DARS1: variants seen among roughly 807,000 people sequenced by gnomAD.
The protein encoded by DARS1 is aspartyl-tRNA synthetase 1.
A neutral mutation model predicts 68.8 loss-of-function variants in DARS1; 51 were observed. The observed-to-expected ratio is 0.74, with a 90% CI of 0.59 to 0.94. DARS1 has a LOEUF of 0.94. Among genes scored for constraint, DARS1 ranks in the 40% least tolerant of loss-of-function variants. The pLI, the probability that DARS1 is intolerant of heterozygous loss-of-function variation, is 0.00. For synonymous variants in DARS1, 203 were observed against 190.4 expected, an observed-to-expected ratio of 1.07 and a Z score of -0.55; for missense variants, 607 against 597.3, an observed-to-expected ratio of 1.02 and a Z score of -0.17.
At position 135,922,767 on chromosome 2, in the gene DARS1, A is replaced by T; in HGVS notation, c.811+17T>A. ...TAATTAATTAACTTGGATAAAACATAACTGCCAAAATCTTACCTGGTCCAA... is the reference window on the plus strand; with the variant it reads ...TAATTAATTAACTTGGATAAAACATTACTGCCAAAATCTTACCTGGTCCAA... On this transcript the variant is annotated intron_variant, in intron 9 of 15. Coordinates refer to ENST00000264161, the MANE Select transcript of DARS1 (RefSeq NM_001349.4). 6.6e-7 allele frequency: 1 copy of T among 1,526,118 alleles called. No individual in the cohort carries two copies. The highest frequency in any genetic ancestry group is 8.7e-7 in the Non-Finnish European group (1 of 1,144,594). The allele number at this position is 1,526,118 out of a possible 1,614,324, so 94.5% of individuals were successfully genotyped here.
At chr2:135,940,913 G>A in intron 5 of DARS1, among the ~76,000 whole-genome samples, 1 of 152,116 alleles carries the variant, frequency 6.6e-6, no homozygotes, top group Admixed American at 6.5e-5. Flanking sequence ...ATTCACAATT[G>A]CTTCAAAGAG....
At chr2:135,919,579 C>G (rs1681073078) in intron 10 of DARS1, among the ~76,000 whole-genome samples, 2 of 152,134 alleles carry the variant, frequency 1.3e-5, no homozygotes, top group African/African-American at 4.8e-5. Context: ...AAAATAGAGA[C>G]TTTCTTAATC....
At chr2:135,932,924 T>C in intron 6 of DARS1, 82 bp from the exon 7 acceptor site, 2 of 721,102 alleles carry the variant, frequency 2.8e-6, no homozygotes, top group South Asian at 1.7e-5. Flanking sequence ...AGAAGCCATG[T>C]TTACTTTTAA....
intron 8 of DARS1, among the ~76,000 whole-genome samples, chr2:135,924,012 T>A (rs767246494): frequency 6.6e-6 from 1 of 152,078 alleles, no homozygotes; most frequent in Non-Finnish European, 1.5e-5. Flanking sequence ...ATTAAGGAAA[T>A]TTTCCCATCA....
chr2:135,959,465 G>A (rs1575401854), intron 4 of DARS1, among the ~76,000 whole-genome samples: 1 of 108,612 alleles, frequency 9.2e-6, no homozygotes, highest in East Asian at 2.7e-4. Context: ...TTGGATGAAA[G>A]CCTTTAATAA....
intron 4 of DARS1, among the ~76,000 whole-genome samples, chr2:135,959,748 T>G (rs1057440285): frequency 6.6e-6 from 1 of 152,188 alleles, no homozygotes; most frequent in African/African-American, 2.4e-5. Flanking sequence ...TCACTGAATA[T>G]TATGGGTAAC....
chr2:135,940,562 G>A (rs1393080381), intron 5 of DARS1, among the ~76,000 whole-genome samples: 1 of 152,086 alleles, frequency 6.6e-6, no homozygotes, highest in African/African-American at 2.4e-5. Context: ...CATACTGAAT[G>A]GTCAAAAACT....
At chr2:135,958,775 C>T (rs1168608733) in intron 4 of DARS1, among the ~76,000 whole-genome samples, 1 of 152,186 alleles carries the variant, frequency 6.6e-6, no homozygotes, top group Non-Finnish European at 1.5e-5. Context: ...GATTCCTTAA[C>T]ATGCTAGTGC....
chr2:135,985,552 A>T lies in DARS1; in HGVS notation c.-84T>A. On this transcript the variant is annotated 5_prime_UTR_variant, in exon 1 of 16. Transcript: ENST00000264161. ...CCAAAGGGGCTTCTCCCTCCCTCCC[A>T]GTCTCCGCCCTCCCGACCCTGGGGT... 1 of 1,603,944 alleles carries T rather than the reference A, an allele frequency of 6.2e-7. No homozygotes were observed.
At chr2:135,945,272 C>T (rs143228287) in intron 4 of DARS1, among the ~76,000 whole-genome samples, 207 of 152,232 alleles carry the variant, frequency 1.4e-3, no homozygotes, top group African/African-American at 4.8e-3. Context: ...GGATTACAGG[C>T]ATGTGCCACC....
At chr2:135,908,483 C>T (rs375049731) in intron 15 of DARS1, among the ~76,000 whole-genome samples, 1 of 152,172 alleles carries the variant, frequency 6.6e-6, no homozygotes, top group African/African-American at 2.4e-5. Context: ...TGTGAGGAAT[C>T]GCCATACTGT....
Position 135,912,512 on chromosome 2 carries a change from A to G in DARS1, c.1204T>C (p.Tyr402His). The change falls in exon 13 of 16, where the codon TAT (tyrosine) becomes CAT (histidine). Residue 402 changes from tyrosine to histidine, a missense_variant. Transcript: ENST00000264161. Reference sequence around the variant, plus strand: ...GGATTTCTTGGGTCAGGCATGGTATAGAAAGGTCTTACAGCCAATGGATAT... The same window carrying G: ...GGATTTCTTGGGTCAGGCATGGTATGGAAAGGTCTTACAGCCAATGGATAT... ...DKYPLAVRPFYTMPDPRNPKQ... is the reference protein window; with the variant it reads ...DKYPLAVRPFHTMPDPRNPKQ... 1 of 1,132,516 alleles carries G rather than the reference A, an allele frequency of 8.8e-7. No homozygotes were observed. Among genetic ancestry groups the G allele is most frequent in the Non-Finnish European group, 1.3e-6 (1 of 754,558 alleles). 70.2% of individuals were successfully genotyped at this position (1,132,516 alleles called of 1,614,324 possible). A position where few individuals can be genotyped will look rare whatever the true frequency, so the allele number is the denominator to read the frequency against.
Position 135,908,913 on chromosome 2 carries a change from G to T in DARS1, c.1415-1506C>A, listed in dbSNP as rs114058841. Among the ~76,000 whole-genome samples, 1,184 of 152,240 alleles carry T rather than the reference G, an allele frequency of 7.8e-3. 16 individuals are homozygous for T. The highest frequency in any genetic ancestry group is 0.027 in the African/African-American group (1,117 of 41,526). On this transcript the variant is annotated intron_variant, in intron 15 of 15. Transcript: ENST00000264161. Reference sequence around the variant, plus strand: ...GCCCATCAATGATAGACTGGATAAAGTAAACGTAGTACATATATACCACGG... The same window carrying T: ...GCCCATCAATGATAGACTGGATAAATTAAACGTAGTACATATATACCACGG...
At position 135,924,404 on chromosome 2, in the gene DARS1, G is replaced by A. The variant is rs1363920061; in HGVS notation, c.659C>T (p.Thr220Ile). 1.3e-6 allele frequency: 2 copies of A among 1,597,750 alleles called. No individual in the cohort carries two copies. The highest frequency in any genetic ancestry group is 3.6e-5 in the Admixed American group (2 of 55,140). Reference sequence around the variant, plus strand: ...AAGCATACCTGAAATAATTTTAGGAGTTTGGATTTCCACAAAACCTTTGTT... The same window carrying A: ...AAGCATACCTGAAATAATTTTAGGAATTTGGATTTCCACAAAACCTTTGTT... ...LINKGFVEIQ[T>I]PKIISAASEG... The change falls in exon 8 of 16, where the codon ACT (threonine) becomes ATT (isoleucine). Residue 220 changes from threonine (T) to isoleucine (I), a missense_variant. Thr to Ile is a moderately conservative substitution (Grantham distance 89). Coordinates refer to ENST00000264161, the MANE Select transcript of DARS1 (RefSeq NM_001349.4).
intron 15 of DARS1, among the ~76,000 whole-genome samples, chr2:135,910,372 G>A (rs1178275489): frequency 6.6e-6 from 1 of 151,988 alleles, no homozygotes; most frequent in Admixed American, 6.6e-5. Flanking sequence ...GGTGTGAGAT[G>A]GTTATCTCAT....
chr2:135,921,069 G>A (rs1300334119), intron 9 of DARS1, among the ~76,000 whole-genome samples: 1 of 150,360 alleles, frequency 6.7e-6, no homozygotes, highest in Non-Finnish European at 1.5e-5. Context: ...GACTGGACAG[G>A]AGGAAAAGGC....
intron 5 of DARS1, among the ~76,000 whole-genome samples, chr2:135,940,061 C>T (rs1456919619): frequency 2.0e-5 from 3 of 152,198 alleles, no homozygotes; most frequent in Non-Finnish European, 2.9e-5. Flanking sequence ...GGATTCACAA[C>T]TGAATTCTAC....
intron 3 of DARS1, among the ~76,000 whole-genome samples, chr2:135,969,112 A>G (rs1279596445): frequency 1.3e-5 from 2 of 152,172 alleles, no homozygotes; most frequent in African/African-American, 4.8e-5. Flanking sequence ...AAAAATGCAT[A>G]TGCATGCCCT....
At chr2:135,975,113 G>C (rs937860136) in intron 3 of DARS1, among the ~76,000 whole-genome samples, 9 of 152,142 alleles carry the variant, frequency 5.9e-5, no homozygotes, top group Non-Finnish European at 1.2e-4. Context: ...GGGAGGCTGA[G>C]GTGGGTGGAT....
Sources: gnomAD v4.1 joint callset for allele counts (sites outside exome capture counted in the v4.1 genomes callset) on GRCh38, gnomAD v4.1.1 for gene constraint, MANE v1.5 for transcripts, NCBI Gene and HGNC (gene_info 2026-07-23, HGNC 2026-07-21) for gene names.